Variants in TNFRSF13B observed in about 807,000 individuals in gnomAD.
TNFRSF13B encodes the protein tumor necrosis factor receptor superfamily member 13B.
In TNFRSF13B, 34 loss-of-function variants were observed where a neutral mutation model predicts 24.0. The observed-to-expected ratio is 1.41, with a 90% CI of 1.08 to 1.88. TNFRSF13B has a LOEUF of 1.88. TNFRSF13B is among the 40% of genes most tolerant of loss of function. TNFRSF13B has a pLI of 0.00. For missense variants in TNFRSF13B, 415 were observed against 380.8 expected, an observed-to-expected ratio of 1.09 and a Z score of -0.75; for synonymous variants, 173 against 150.3, an observed-to-expected ratio of 1.15 and a Z score of -1.10.
intron 1 of TNFRSF13B, among the ~76,000 whole-genome samples, chr17:16,961,995 T>C (rs543815845): frequency 6.6e-6 from 1 of 152,174 alleles, no homozygotes; most frequent in African/African-American, 2.4e-5. Flanking sequence ...AGCATGATGG[T>C]GAAGGACTTC....
rs2087490079 is a variant in TNFRSF13B at position 16,939,456 on chromosome 17, T to C, written c.*91A>G. ...CCTCTCTGCCTCCTCTGTCTCTCTC[T>C]CCTCATATCTCTCTCCCCTCTCCCC... On this transcript the variant is annotated 3_prime_UTR_variant, in exon 5 of 5. Coordinates refer to ENST00000261652, the MANE Select transcript of TNFRSF13B (RefSeq NM_012452.3). The C allele has an allele frequency of 7.1e-7, 1 of 1,412,334 alleles. No homozygotes were observed. Among genetic ancestry groups the C allele is most frequent in the Admixed American group, 2.1e-5 (1 of 47,162 alleles). The allele number at this position is 1,412,334 out of a possible 1,614,324, so 87.5% of individuals were successfully genotyped here.
chr17:16,964,005 G>A (rs1368255839), intron 1 of TNFRSF13B, among the ~76,000 whole-genome samples: 1 of 152,088 alleles, frequency 6.6e-6, no homozygotes, highest in African/African-American at 2.4e-5. Context: ...TGAGGGATGT[G>A]CATGGGAATG....
rs188144159 is a variant in TNFRSF13B at position 16,960,837 on chromosome 17, T to C, written c.62-8254A>G. Among the ~76,000 whole-genome samples the C allele has an allele frequency of 4.5e-3, 682 of 152,226 alleles. 8 individuals carry two copies. The highest frequency in any genetic ancestry group is 4.3e-3 in the Non-Finnish European group (291 of 68,006). On this transcript the variant is annotated intron_variant, in intron 1 of 4. Transcript: ENST00000261652. The stretch of plus-strand genomic sequence containing the variant: ...ACAACTCACAGAATGGGAGAAAATA[T>C]CTTCAAATCATATACCTAATATGGG...
In TNFRSF13B at chr17:16,964,337, C is replaced by CT. The variant is rs71355533; in HGVS notation, c.61+7677dup. Among the ~76,000 whole-genome samples, 602 of 79,806 alleles carry CT rather than the reference C, an allele frequency of 7.5e-3. 9 individuals are homozygous for CT. Among genetic ancestry groups the CT allele is most frequent in the African/African-American group, 0.013 (268 of 20,776 alleles). 52.4% of individuals were successfully genotyped at this position (79,806 alleles called of 152,430 possible). ...GGTTGAGAGTCCACCATCTCCATGC[C>CT]TTTTTTTTTTTTTTTTTTTTTTGAG... On this transcript the variant is annotated intron_variant, in intron 1 of 4. Coordinates refer to ENST00000261652, the MANE Select transcript of TNFRSF13B (RefSeq NM_012452.3).
At chr17:16,969,238 C>T (rs1242034362) in intron 1 of TNFRSF13B, among the ~76,000 whole-genome samples, 2 of 152,216 alleles carry the variant, frequency 1.3e-5, no homozygotes, top group South Asian at 2.1e-4. Context: ...TCACCCAAAA[C>T]TTGAATCCAA....
At chr17:16,954,614 T>C (rs1406188055) in intron 1 of TNFRSF13B, among the ~76,000 whole-genome samples, 1 of 152,234 alleles carries the variant, frequency 6.6e-6, no homozygotes, top group East Asian at 1.9e-4. Context: ...CTCTCATCAT[T>C]GATGCCTACA....
chr17:16,964,052 AAGG>A (rs1470474999), intron 1 of TNFRSF13B, among the ~76,000 whole-genome samples: 3 of 151,900 alleles, frequency 2.0e-5, no homozygotes, highest in Non-Finnish European at 4.4e-5. Context: ...GCTAACTGGG[AAGG>A]AGAAGGAGGA....
chr17:16,951,027 C>T (rs960040357), intron 2 of TNFRSF13B, among the ~76,000 whole-genome samples: 11 of 152,342 alleles, frequency 7.2e-5, no homozygotes, highest in Non-Finnish European at 1.5e-4. Context: ...TGAAGGGCCA[C>T]GGCAGATTCC....
chr17:16,971,016 G>C (rs1456057339), intron 1 of TNFRSF13B, among the ~76,000 whole-genome samples: 2 of 152,224 alleles, frequency 1.3e-5, no homozygotes, highest in East Asian at 3.9e-4. Context: ...AAAGGACCTG[G>C]GGCCCTTTCA....
intron 3 of TNFRSF13B, chr17:16,940,767 T>G (rs2087504515): frequency 7.1e-7 from 1 of 1,402,720 alleles, no homozygotes; most frequent in East Asian, 2.7e-5. Context: ...TTGTCTCCAC[T>G]TGCTAGGGCT....
intron 2 of TNFRSF13B, among the ~76,000 whole-genome samples, chr17:16,951,673 A>G (rs1214593366): frequency 4.6e-5 from 7 of 152,044 alleles, no homozygotes; most frequent in Non-Finnish European, 7.4e-5. Context: ...TGGATCACCT[A>G]AGGTCAGGAG....
chr17:16,968,391 G>A (rs1410662474), intron 1 of TNFRSF13B, among the ~76,000 whole-genome samples: 1 of 152,114 alleles, frequency 6.6e-6, no homozygotes, highest in Non-Finnish European at 1.5e-5. Flanking sequence ...ATAATTGAGA[G>A]CCCAAAAATA....
chr17:16,940,749 C>T (rs2143642911), intron 3 of TNFRSF13B: 1 of 1,425,076 alleles, frequency 7.0e-7, no homozygotes. Context: ...GTGAGCTAGG[C>T]CTTCTTGTTG....
At chr17:16,968,910 A>G (rs1202449083) in intron 1 of TNFRSF13B, among the ~76,000 whole-genome samples, 1 of 152,260 alleles carries the variant, frequency 6.6e-6, no homozygotes, top group East Asian at 1.9e-4. Flanking sequence ...TTTTCCCCAA[A>G]AAAACCATAT....
intron 1 of TNFRSF13B, among the ~76,000 whole-genome samples, chr17:16,962,973 G>C (rs1195524535): frequency 1.3e-5 from 2 of 152,220 alleles, no homozygotes; most frequent in Non-Finnish European, 2.9e-5. Flanking sequence ...CCAGCAGGGG[G>C]AGTGGACCAG....
chr17:16,940,557 C>G (rs779444733), intron 3 of TNFRSF13B, 46 bp from the exon 4 acceptor site: 2 of 1,594,188 alleles, frequency 1.3e-6, no homozygotes, highest in South Asian at 2.2e-5. Flanking sequence ...TTCTTCTCTT[C>G]CCGTCATTAG....
intron 3 of TNFRSF13B, chr17:16,940,936 G>A: frequency 9.2e-7 from 1 of 1,083,200 alleles, no homozygotes; most frequent in Non-Finnish European, 1.1e-6. Context: ...TATCCATGGG[G>A]GACTGGTTCC....
intron 1 of TNFRSF13B, among the ~76,000 whole-genome samples, chr17:16,964,179 G>A (rs1438599712): frequency 6.6e-6 from 1 of 151,050 alleles, no homozygotes; most frequent in Non-Finnish European, 1.5e-5. Flanking sequence ...AGGAGGAGGA[G>A]GAAAAGATGG....
At chr17:16,960,095 G>A (rs1010066132) in intron 1 of TNFRSF13B, among the ~76,000 whole-genome samples, 2 of 151,882 alleles carry the variant, frequency 1.3e-5, no homozygotes, top group African/African-American at 4.9e-5. Context: ...CCATAACCAA[G>A]TGGGATTTAT....
Sources: allele counts gnomAD v4.1 joint callset (sites outside exome capture counted in the v4.1 genomes callset), GRCh38; gene constraint gnomAD v4.1.1; transcripts MANE v1.5; gene names NCBI Gene and HGNC (gene_info 2026-07-23, HGNC 2026-07-21).